TRIM54: variants seen among roughly 807,000 people sequenced by gnomAD.
The protein encoded by TRIM54 is tripartite motif-containing protein 54.
Under a neutral mutation model 42.0 loss-of-function variants are expected in TRIM54, and 40 were observed. The ratio of observed to expected loss-of-function variants is 0.95; its 90% CI spans 0.74 to 1.24. The LOEUF is 1.24. Among genes scored for constraint, TRIM54 ranks in the 50% most tolerant of loss-of-function variants. The pLI is 0.00. For synonymous variants in TRIM54, 199 were observed against 194.9 expected, an observed-to-expected ratio of 1.02 and a Z score of -0.17; for missense variants, 485 against 480.3, an observed-to-expected ratio of 1.01 and a Z score of -0.09.
At chr2:27,292,093 A>G (rs971623771) in intron 1 of TRIM54, among the ~76,000 whole-genome samples, 2 of 152,232 alleles carry the variant, frequency 1.3e-5, no homozygotes, top group Admixed American at 6.5e-5. Flanking sequence ...GGGCTCCAGA[A>G]TAAATGCAAT....
chr2:27,304,341 G>C (rs1039924844), intron 3 of TRIM54, among the ~76,000 whole-genome samples: 2 of 82,448 alleles, frequency 2.4e-5, no homozygotes, highest in Non-Finnish European at 5.4e-5. Flanking sequence ...TGTAAACCCA[G>C]TGACTAGGGA....
At chr2:27,300,572 G>T (rs4665377) in intron 3 of TRIM54, among the ~76,000 whole-genome samples, 25,880 of 104,066 alleles carry the variant, frequency 0.25, 5,058 homozygotes, top group African/African-American at 0.57. Flanking sequence ...ATATTTATTA[G>T]TAGTAGTAGT....
Position 27,299,375 on chromosome 2 carries a change from T to A in TRIM54, c.472T>A (p.Cys158Ser), listed in dbSNP as rs758529688. Residue 158 changes from cysteine to serine, a missense_variant, in exon 3 of 9, where the codon TGT (cysteine) becomes AGT (serine). By Grantham distance (112) the Cys-to-Ser change is moderately radical. Coordinates refer to ENST00000380075, the MANE Select transcript of TRIM54 (RefSeq NM_187841.3). The part of the protein sequence containing the change: ...LCKVFGAHKD[C>S]EVAPLPTIYK... Reference sequence around the variant, plus strand: ...CAAGGTCTTCGGTGCCCACAAGGACTGTGAGGTGGCCCCACTGCCCACCAT... The same window carrying A: ...CAAGGTCTTCGGTGCCCACAAGGACAGTGAGGTGGCCCCACTGCCCACCAT... The A allele has an allele frequency of 6.2e-7, 1 of 1,614,132 alleles. No individual in the cohort carries two copies. The highest frequency in any genetic ancestry group is 1.1e-5 in the South Asian group (1 of 91,080).
Position 27,282,735 on chromosome 2 carries a change from A to C in TRIM54, c.4A>C (p.Asn2His). The change falls in exon 1 of 9, where the codon AAC becomes CAC. Residue 2 changes from asparagine (N) to histidine (H), a missense_variant. Asn to His is a moderately conservative substitution (Grantham distance 68). Transcript: ENST00000380075. M[N>H]FTVGFKPLLG... ...GCCAGGCACGACCACCGAGGGGATG[A>C]ACTTCACAGTGGGTTTCAAGCCGCT... 1 of 1,611,460 alleles carries C rather than the reference A, an allele frequency of 6.2e-7. No individual in the cohort carries two copies. The highest frequency in any genetic ancestry group is 8.5e-7 in the Non-Finnish European group (1 of 1,178,758).
At chr2:27,295,636 G>A (rs1678848171) in intron 1 of TRIM54, among the ~76,000 whole-genome samples, 1 of 152,174 alleles carries the variant, frequency 6.6e-6, no homozygotes, top group Non-Finnish European at 1.5e-5. Context: ...TAAGTAATGA[G>A]TATCCCTGCC....
In TRIM54 at chr2:27,298,651, G is replaced by C; in HGVS notation, c.253G>C (p.Val85Leu). The change falls in exon 2 of 9, where the codon GTT (valine) becomes CTT (leucine). Residue 85 changes from valine to leucine, a missense_variant. Physicochemically the swap from Val to Leu is conservative, Grantham distance 32. Coordinates refer to ENST00000380075, the MANE Select transcript of TRIM54 (RefSeq NM_187841.3). The part of the protein sequence containing the change: ...RFRCPSCRHE[V>L]VLDRHGVYGL... ...CCGCTGCCCATCGTGCAGGCATGAG[G>C]TTGTCCTGGACAGACACGGTGTCTA... 1 of 1,614,176 alleles carries C rather than the reference G, an allele frequency of 6.2e-7. No individual in the cohort carries two copies.
chr2:27,283,194 C>T (rs888311108), intron 1 of TRIM54, among the ~76,000 whole-genome samples: 7 of 152,034 alleles, frequency 4.6e-5, no homozygotes, highest in African/African-American at 9.7e-5. Flanking sequence ...TATCCCACAC[C>T]GGGCTTTATA....
At chr2:27,283,330 G>A (rs907738402) in intron 1 of TRIM54, among the ~76,000 whole-genome samples, 2 of 152,202 alleles carry the variant, frequency 1.3e-5, no homozygotes, top group Non-Finnish European at 1.5e-5. Context: ...ACCCGACCCT[G>A]TGAGAAAGCT....
intron 1 of TRIM54, among the ~76,000 whole-genome samples, chr2:27,297,109 A>G (rs1678887821): frequency 6.6e-6 from 1 of 152,184 alleles, no homozygotes; most frequent in Non-Finnish European, 1.5e-5. Flanking sequence ...ATTAAAGAAG[A>G]AAAGGTGGTG....
Position 27,288,170 on chromosome 2 carries a change from T to A in TRIM54, c.168+5271T>A, listed in dbSNP as rs138400441. ...TCTGCCCACCGTTTTCCCAAGGTTT[T>A]TCCAGCATATTCTGAGTGTCTGGCT... On this transcript the variant is annotated intron_variant, in intron 1 of 8. Transcript: ENST00000380075. 5.3e-5 allele frequency among the ~76,000 whole-genome samples: 8 copies of A among 152,342 alleles called. No homozygotes were observed. The East Asian group carries it at 1.5e-3, about 29-fold the overall frequency.
rs1011125110 is a variant in TRIM54, at chr2:27,306,975, G to T, written c.*90G>T. The T allele has an allele frequency of 7.9e-5, 19 of 239,486 alleles. No individual in the cohort carries two copies. The highest frequency in any genetic ancestry group is 1.4e-4 in the Non-Finnish European group (17 of 123,056). The allele number at this position is 239,486 out of a possible 1,614,324, so 14.8% of individuals were successfully genotyped here. ...CCGCAGCATCACCCAAATCGGCGCC[G>T]GCCCCGGGAGGATCTCAATAAAGAA... On this transcript the variant is annotated 3_prime_UTR_variant, in exon 9 of 9. Coordinates refer to ENST00000380075, the MANE Select transcript of TRIM54 (RefSeq NM_187841.3). This position sits in a 1 kb window ranked among gnomAD's most constrained non-coding sequence, Gnocchi z 6.1.
chr2:27,292,388 A>G (rs1678743488), intron 1 of TRIM54, among the ~76,000 whole-genome samples: 1 of 152,112 alleles, frequency 6.6e-6, no homozygotes, highest in African/African-American at 2.4e-5. Flanking sequence ...CTGGGCAACT[A>G]GCAAGACCCT....
intron 1 of TRIM54, among the ~76,000 whole-genome samples, chr2:27,294,170 C>T (rs1003432200): frequency 1.3e-5 from 2 of 151,926 alleles, no homozygotes; most frequent in Non-Finnish European, 2.9e-5. Flanking sequence ...CCTCTGTCAC[C>T]CATGCTGTAG....
intron 2 of TRIM54, 72 bp from the exon 3 acceptor site, chr2:27,299,173 G>A (rs1419400576): frequency 1.3e-6 from 2 of 1,552,914 alleles, no homozygotes; most frequent in South Asian, 2.4e-5. Flanking sequence ...GCAGTTGGTG[G>A]AGGCTGAAGA....
At chr2:27,293,757 C>G (rs770078035) in intron 1 of TRIM54, among the ~76,000 whole-genome samples, 3 of 152,162 alleles carry the variant, frequency 2.0e-5, no homozygotes, top group Non-Finnish European at 2.9e-5. Flanking sequence ...TGAGGTGGCT[C>G]ACACCTGTAA....
At chr2:27,301,386 C>T (rs1319188115) in intron 3 of TRIM54, among the ~76,000 whole-genome samples, 1 of 152,162 alleles carries the variant, frequency 6.6e-6, no homozygotes, top group Non-Finnish European at 1.5e-5. Flanking sequence ...GTGATCCACT[C>T]TCCTTGGCCT....
rs201803047 is a variant in TRIM54, at chr2:27,306,186, C to T, written c.867-27C>T. 2.4e-5 allele frequency: 38 copies of T among 1,613,980 alleles called. No homozygotes were observed. The East Asian group carries it at 7.8e-4, about 33-fold the overall frequency. ...GGGGCTTGAGAGTGCTGGGGCATTG[C>T]CAGCTGAGTCCGTGTGGCCACTGCA... is the stretch of plus-strand genomic sequence containing the variant. On this transcript the variant is annotated intron_variant, in intron 6 of 8. Coordinates refer to ENST00000380075, the MANE Select transcript of TRIM54 (RefSeq NM_187841.3). The surrounding 1 kb of genome is among the most constrained non-coding windows in gnomAD (Gnocchi z 6.1).
chr2:27,283,782 GCGCACACACA>G (rs1352588326), intron 1 of TRIM54, among the ~76,000 whole-genome samples: 3 of 86,342 alleles, frequency 3.5e-5, no homozygotes, highest in Admixed American at 1.2e-4. Context: ...ACACACACGC[GCGCACACACA>G]CACACACACA....
rs35279593 is a variant in TRIM54, at chr2:27,301,135, CTTTTTTT to C, written c.513+1735_513+1741del. On this transcript the variant is annotated intron_variant, in intron 3 of 8. Transcript: ENST00000380075. ...AGCCCCTAGGGCTGCTGGTTGCCCTCTTTTTTTTTTTTTTTTTTTTTTAGATGGAGTT... is the reference window on the plus strand; with the variant it reads ...AGCCCCTAGGGCTGCTGGTTGCCCTCTTTTTTTTTTTTTTTAGATGGAGTT... Among the ~76,000 whole-genome samples, 5 of 125,356 alleles carry C rather than the reference CTTTTTTT, an allele frequency of 4.0e-5. No homozygotes were observed. In the East Asian group the frequency reaches 6.8e-4, roughly 17 times the overall value. The allele number at this position is 125,356 out of a possible 152,430, so 82.2% of individuals were successfully genotyped here.
Sources: allele counts gnomAD v4.1 joint callset (sites outside exome capture counted in the v4.1 genomes callset), GRCh38; gene constraint gnomAD v4.1.1; non-coding constraint Gnocchi (gnomAD v3.1); transcripts MANE v1.5; gene names NCBI Gene and HGNC (gene_info 2026-07-23, HGNC 2026-07-21).